CSMD1: variants seen among roughly 807,000 people sequenced by gnomAD.
The protein encoded by CSMD1 is CUB and Sushi multiple domains 1, also known as CUB and sushi domain-containing protein 1.
A neutral mutation model predicts 417.5 loss-of-function variants in CSMD1; 213 were observed. The ratio of observed to expected loss-of-function variants is 0.51; its 90% CI spans 0.46 to 0.57. CSMD1 has a LOEUF of 0.57. Among genes scored for constraint, CSMD1 ranks in the 20% least tolerant of loss-of-function variants. The probability of loss-of-function intolerance (pLI) is 0.00; values close to 1 mark genes in which losing one functional copy is unlikely to be tolerated. For missense variants in CSMD1, 6,923 were observed against 4,529.7 expected (o/e 1.53, Z -15.17); for synonymous variants, 2,862 against 1,736.8 (o/e 1.65, Z -16.11).
intron 1 of CSMD1, among the ~76,000 whole-genome samples, chr8:4,779,106 G>T (rs778314659): frequency 6.6e-6 from 1 of 152,136 alleles, no homozygotes; most frequent in Non-Finnish European, 1.5e-5. Context: ...TTTTAAAACT[G>T]CTTTTATTGT....
intron 3 of CSMD1, among the ~76,000 whole-genome samples, chr8:4,115,280 A>C (rs112389742): frequency 2.0e-3 from 311 of 152,346 alleles, no homozygotes; most frequent in African/African-American, 7.1e-3. Context: ...ACGCTTAGAT[A>C]ATTTTTAGCA....
At chr8:3,332,918 G>C (rs899322537) in intron 23 of CSMD1, among the ~76,000 whole-genome samples, 2 of 152,180 alleles carry the variant, frequency 1.3e-5, no homozygotes, top group South Asian at 4.1e-4. Context: ...TGCCACGGAA[G>C]TGTCTGTTCT....
intron 18 of CSMD1, among the ~76,000 whole-genome samples, chr8:3,385,219 A>C (rs1038367178): frequency 1.4e-5 from 2 of 147,060 alleles, no homozygotes; most frequent in African/African-American, 5.0e-5. Flanking sequence ...AATCATATAC[A>C]TATACATGCA....
chr8:3,886,427 C>T (rs563280349), intron 5 of CSMD1, among the ~76,000 whole-genome samples: 3 of 152,260 alleles, frequency 2.0e-5, no homozygotes, highest in East Asian at 1.9e-4. Context: ...AGAATGTAAT[C>T]GATTTAACAT....
chr8:4,909,164 G>A (rs1563737796), intron 1 of CSMD1, among the ~76,000 whole-genome samples: 1 of 152,170 alleles, frequency 6.6e-6, no homozygotes, highest in Non-Finnish European at 1.5e-5. Context: ...CCCTGGCAGG[G>A]CCTTCTGCTG....
chr8:4,263,617 G>C (rs966127326), intron 3 of CSMD1, among the ~76,000 whole-genome samples: 6 of 152,092 alleles, frequency 3.9e-5, no homozygotes, highest in African/African-American at 1.4e-4. Flanking sequence ...CCAGGAAATT[G>C]TCAAATAGGA....
At chr8:4,240,870 G>C (rs1002969115) in intron 3 of CSMD1, among the ~76,000 whole-genome samples, 1 of 152,128 alleles carries the variant, frequency 6.6e-6, no homozygotes, top group Non-Finnish European at 1.5e-5. Context: ...AAAATATTGA[G>C]TTATGTATTC....
chr8:3,044,020 A>G (rs1162103917), intron 50 of CSMD1, among the ~76,000 whole-genome samples: 1 of 152,224 alleles, frequency 6.6e-6, no homozygotes, highest in Non-Finnish European at 1.5e-5. Context: ...AAAAAGCACT[A>G]AAATCCTCTT....
Position 2,942,586 on chromosome 8 carries a change from T to G in CSMD1, c.10421A>C (p.Gln3474Pro), listed in dbSNP as rs775472545. ...GCCGTGGTAATGACTGGAAGAGTCT[T>G]GATCTGGGTTTAAAGGATCTGTAAG... The part of the protein sequence containing the change: ...LERQDPLNPD[Q>P]DSSSHYHGTS... Residue 3474 changes from glutamine (Q) to proline (P), a missense_variant, in exon 69 of 70, where the codon CAA (glutamine) becomes CCA (proline). Transcript: ENST00000635120. The G allele has an allele frequency of 6.3e-7, 1 of 1,595,022 alleles. No homozygotes were observed. Among genetic ancestry groups the G allele is most frequent in the East Asian group, 2.3e-5 (1 of 44,388 alleles).
chr8:4,614,158 T>C (rs1801345062), intron 2 of CSMD1, among the ~76,000 whole-genome samples: 1 of 152,158 alleles, frequency 6.6e-6, no homozygotes, highest in Non-Finnish European at 1.5e-5. Context: ...ATAATAATAA[T>C]AATAGTTATG....
At chr8:4,051,866 T>TTCTTTCTC (rs148729822) in intron 3 of CSMD1, among the ~76,000 whole-genome samples, 1 of 119,714 alleles carries the variant, frequency 8.4e-6, no homozygotes, top group African/African-American at 3.2e-5. Flanking sequence ...CTTTCTTTCT[T>TTCTTTCTC]TCCTTCCTCC....
Position 3,377,819 on chromosome 8 carries a change from C to G in CSMD1, c.2783-8449G>C, listed in dbSNP as rs374353792. ...TTACTACCCCCTGGGAGCTTAAAAT[C>G]AAACTGAACTGACTGTATTGAGTAT... On this transcript the variant is annotated intron_variant, in intron 18 of 69. Coordinates refer to ENST00000635120, the MANE Select transcript of CSMD1 (RefSeq NM_033225.6). Among the ~76,000 whole-genome samples, 73 of 152,286 alleles carry G rather than the reference C, an allele frequency of 4.8e-4. 2 individuals carry two copies. The South Asian group carries it at 0.015, about 31-fold the overall frequency.
intron 62 of CSMD1, among the ~76,000 whole-genome samples, chr8:2,959,026 G>C (rs7815700): frequency 0.029 from 4,380 of 152,316 alleles, 201 homozygotes; most frequent in African/African-American, 0.098. Flanking sequence ...TTATCTAAAT[G>C]TCAAATCAAT....
intron 2 of CSMD1, among the ~76,000 whole-genome samples, chr8:4,529,242 A>C (rs913729962): frequency 1.1e-4 from 17 of 152,262 alleles, no homozygotes; most frequent in African/African-American, 4.1e-4. Context: ...TCCCTTTCTT[A>C]TTCTGTTCGG....
At chr8:4,614,318 A>T (rs907122807) in intron 2 of CSMD1, among the ~76,000 whole-genome samples, 1 of 152,100 alleles carries the variant, frequency 6.6e-6, no homozygotes, top group African/African-American at 2.4e-5. Context: ...TCTGTAGAAA[A>T]TCCTGTCTTG....
At chr8:3,830,183 A>C (rs1397853129) in intron 5 of CSMD1, among the ~76,000 whole-genome samples, 1 of 152,208 alleles carries the variant, frequency 6.6e-6, no homozygotes, top group Admixed American at 6.5e-5. Context: ...AAGCTGATTT[A>C]TGAAGTGGAA....
chr8:4,835,161 G>C (rs781495660), intron 1 of CSMD1, among the ~76,000 whole-genome samples: 10 of 151,918 alleles, frequency 6.6e-5, no homozygotes, highest in Non-Finnish European at 1.3e-4. Flanking sequence ...ATGGACCCGA[G>C]AAGGTTGGAA....
chr8:4,309,819 C>T (rs889095258), intron 3 of CSMD1, among the ~76,000 whole-genome samples: 1 of 152,124 alleles, frequency 6.6e-6, no homozygotes, highest in Non-Finnish European at 1.5e-5. Context: ...TTCGCCCTTA[C>T]TTCATTTTAA....
At chr8:4,208,612 T>A (rs1002738837) in intron 3 of CSMD1, among the ~76,000 whole-genome samples, 1 of 152,118 alleles carries the variant, frequency 6.6e-6, no homozygotes, top group Admixed American at 6.6e-5. Flanking sequence ...AGAAAATGAA[T>A]ATAGAGTCAT....
Sources: allele counts gnomAD v4.1 joint callset (sites outside exome capture counted in the v4.1 genomes callset), GRCh38; gene constraint gnomAD v4.1.1; transcripts MANE v1.5; gene names NCBI Gene and HGNC (gene_info 2026-07-23, HGNC 2026-07-21).